The following MBD5 variants were observed in gnomAD, a reference collection of about 807,000 sequenced individuals.
The protein encoded by MBD5 is methyl-CpG-binding domain protein 5.
A neutral mutation model predicts 117.3 loss-of-function variants in MBD5; 13 were observed. The ratio of observed to expected loss-of-function variants is 0.11; its 90% CI spans 0.07 to 0.18. The LOEUF is 0.18. Among genes scored for constraint, MBD5 ranks in the 10% least tolerant of loss-of-function variants. The probability of loss-of-function intolerance (pLI) is 1.00; values close to 1 mark genes in which losing one functional copy is unlikely to be tolerated. For missense variants in MBD5, 1,879 were observed against 2,093.8 expected, an observed-to-expected ratio of 0.90 and a Z score of 2.00; for synonymous variants, 727 against 766.4, an observed-to-expected ratio of 0.95 and a Z score of 0.85.
At chr2:148,027,286 TG>T (rs1448867709) in intron 1 of MBD5, 1 of 152,144 alleles carries the variant, frequency 6.6e-6, no homozygotes, top group African/African-American at 2.4e-5. Flanking sequence ...ATCAACTTGT[TG>T]GGTTCTCTAG....
intron 1 of MBD5, among the ~76,000 whole-genome samples, chr2:148,140,561 A>G (rs1246570928): frequency 6.6e-6 from 1 of 152,218 alleles, no homozygotes; most frequent in Non-Finnish European, 1.5e-5. Context: ...GTGATCTGGA[A>G]TGATAGCTTA....
At chr2:148,433,034 AT>A (rs1258524487) in intron 4 of MBD5, among the ~76,000 whole-genome samples, 3 of 151,886 alleles carry the variant, frequency 2.0e-5, no homozygotes, top group Non-Finnish European at 4.4e-5. Flanking sequence ...ATTGTCTCTG[AT>A]TTTTTTGAGC....
At chr2:148,437,386 T>A (rs1177039321) in intron 4 of MBD5, among the ~76,000 whole-genome samples, 1 of 152,188 alleles carries the variant, frequency 6.6e-6, no homozygotes, top group East Asian at 1.9e-4. Flanking sequence ...GCAGCATATG[T>A]ATGCCTTGGA....
rs1559010681 is a variant in MBD5 at position 148,296,863 on chromosome 2, A to ATTTTTT, written c.-679-45351_-679-45350insTTTTTT. 2.5e-3 allele frequency among the ~76,000 whole-genome samples: 94 copies of ATTTTTT among 37,668 alleles called. 3 individuals carry two copies. The highest frequency in any genetic ancestry group is 3.6e-3 in the Admixed American group (8 of 2,228). 24.7% of individuals were successfully genotyped at this position (37,668 alleles called of 152,430 possible). On this transcript the variant is annotated intron_variant, in intron 3 of 13. Transcript: ENST00000642680. ...TAAGCATAGTTTGCTTTAGTTCTTC[A>ATTTTTT]ATTTTTTTTTTTTTTTTTTTTGGAG...
intron 4 of MBD5, among the ~76,000 whole-genome samples, chr2:148,411,236 C>T (rs1254577926): frequency 6.6e-6 from 1 of 152,148 alleles, no homozygotes; most frequent in East Asian, 1.9e-4. Flanking sequence ...ATGTATACCA[C>T]ATTTTCTTAA....
chr2:148,021,481 T>TTGCTGCTGCTGCTGCTACTGC lies in MBD5; in HGVS notation c.-1117_-1097dup, dbSNP rs1553463990. 1.6e-5 allele frequency: 9 copies of TTGCTGCTGCTGCTGCTACTGC among 573,532 alleles called. No homozygotes were observed. Among genetic ancestry groups the TTGCTGCTGCTGCTGCTACTGC allele is most frequent in the South Asian group, 3.0e-5 (2 of 66,158 alleles). The allele number at this position is 573,532 out of a possible 1,614,324, so 35.5% of individuals were successfully genotyped here. A position where few individuals can be genotyped will look rare whatever the true frequency, so the allele number is the denominator to read the frequency against. Reference sequence around the variant, plus strand: ...GCTGCTGTTGCTGCTGCTGCTGCTGTTGCTGCTGCTGCTGCTACTGCTGCT... The same window carrying TTGCTGCTGCTGCTGCTACTGC: ...GCTGCTGTTGCTGCTGCTGCTGCTGTTGCTGCTGCTGCTGCTACTGCTGCTGCTGCTGCTGCTACTGCTGCT... On this transcript the variant is annotated 5_prime_UTR_variant, in exon 1 of 14. Coordinates refer to ENST00000642680, the MANE Select transcript of MBD5 (RefSeq NM_001378120.1).
chr2:148,179,011 A>C lies in MBD5; in HGVS notation c.-831+218A>C, dbSNP rs571924213. Among the ~76,000 whole-genome samples the C allele has an allele frequency of 2.0e-4, 31 of 152,376 alleles. 1 individual carries two copies. In the South Asian group the frequency reaches 6.2e-3, roughly 31 times the overall value. On this transcript the variant is annotated intron_variant, in intron 2 of 13. Transcript: ENST00000642680. ...TTTGTAATAAGCGGTTGATTAAAAA[A>C]TAATAAATTGTAATACACAAGTGCA...
rs1680728621 is a variant in MBD5, at chr2:148,469,749, T to A, written c.1806T>A (p.Ser602Arg). 2 of 1,613,816 alleles carry A rather than the reference T, an allele frequency of 1.2e-6. No individual in the cohort carries two copies. Among genetic ancestry groups the A allele is most frequent in the Non-Finnish European group, 1.7e-6 (2 of 1,179,892 alleles). The part of the protein sequence containing the change: ...NKLAGNNSSS[S>R]SNSGAVAGSG... Reference sequence around the variant, plus strand: ...TTGCTGGTAACAACAGTAGCAGCAGTAGCAATTCTGGAGCTGTTGCCGGCA... The same window carrying A: ...TTGCTGGTAACAACAGTAGCAGCAGAAGCAATTCTGGAGCTGTTGCCGGCA... Residue 602 changes from serine to arginine, a missense_variant, in exon 8 of 14, where the codon AGT (serine) becomes AGA (arginine). Around this residue, in one of 4 missense-constraint regions of MBD5, gnomAD observed 1,666 missense variants for 1,792.2 expected, o/e 0.93. Transcript: ENST00000642680.
Position 148,315,216 on chromosome 2 carries a change from T to A in MBD5, c.-679-26998T>A, listed in dbSNP as rs192771177. Among the ~76,000 whole-genome samples the A allele has an allele frequency of 3.3e-5, 5 of 152,292 alleles. No individual in the cohort carries two copies. The East Asian group carries it at 7.7e-4, about 24-fold the overall frequency. On this transcript the variant is annotated intron_variant, in intron 3 of 13. Transcript: ENST00000642680. ...CTGCTACATTAGTATAAGTAAATCA[T>A]CATTTTAATCCTGTTACTACCTTGC...
chr2:148,072,969 A>G (rs147326801), intron 1 of MBD5, among the ~76,000 whole-genome samples: 250 of 152,286 alleles, frequency 1.6e-3, no homozygotes, highest in African/African-American at 5.6e-3. Flanking sequence ...TTAACAAAAA[A>G]TGATATAGGA....
chr2:148,061,544 T>C (rs976594763), intron 1 of MBD5, among the ~76,000 whole-genome samples: 2 of 152,072 alleles, frequency 1.3e-5, no homozygotes, highest in African/African-American at 4.8e-5. Flanking sequence ...AATGTAATAT[T>C]CCTTTATATG....
intron 1 of MBD5, among the ~76,000 whole-genome samples, chr2:148,133,481 T>C (rs1325703336): frequency 6.6e-6 from 1 of 152,198 alleles, no homozygotes; most frequent in Non-Finnish European, 1.5e-5. Context: ...TTATTCTTTG[T>C]TTTTCTTGTC....
intron 2 of MBD5, among the ~76,000 whole-genome samples, chr2:148,198,023 C>T (rs1471390529): frequency 6.6e-6 from 1 of 151,790 alleles, no homozygotes. Flanking sequence ...CCATGTTGGC[C>T]AGGCTGGTCT....
intron 1 of MBD5, among the ~76,000 whole-genome samples, chr2:148,076,864 A>G (rs373222764): frequency 1.3e-5 from 2 of 152,228 alleles, no homozygotes; most frequent in African/African-American, 4.8e-5. Context: ...CTCATAGTCT[A>G]GTAGAGGCAA....
At chr2:148,308,092 C>T (rs1701937037) in intron 3 of MBD5, among the ~76,000 whole-genome samples, 1 of 152,136 alleles carries the variant, frequency 6.6e-6, no homozygotes, top group Non-Finnish European at 1.5e-5. Context: ...AACAGTGCTG[C>T]AGTAAACATA....
intron 3 of MBD5, among the ~76,000 whole-genome samples, chr2:148,257,802 G>C (rs1010052162): frequency 2.6e-5 from 4 of 152,170 alleles, no homozygotes; most frequent in Admixed American, 2.6e-4. Flanking sequence ...ACTGTTCCTG[G>C]CTCTCTGGAG....
chr2:148,075,934 T>C (rs976812424), intron 1 of MBD5, among the ~76,000 whole-genome samples: 1 of 152,168 alleles, frequency 6.6e-6, no homozygotes, highest in African/African-American at 2.4e-5. Flanking sequence ...CACATAAATG[T>C]ATTAATGATC....
chr2:148,473,175 T>C (rs1680850412), intron 8 of MBD5, among the ~76,000 whole-genome samples: 1 of 152,212 alleles, frequency 6.6e-6, no homozygotes, highest in South Asian at 2.1e-4. Flanking sequence ...TCAGTTATTT[T>C]TGCCAATATT....
chr2:148,123,355 G>A (rs1441669343), intron 1 of MBD5, among the ~76,000 whole-genome samples: 1 of 152,220 alleles, frequency 6.6e-6, no homozygotes, highest in Non-Finnish European at 1.5e-5. Flanking sequence ...TATAATCCAA[G>A]TATGGGACCT....
Sources: gnomAD v4.1 joint callset for allele counts (sites outside exome capture counted in the v4.1 genomes callset) on GRCh38, gnomAD v4.1.1 for gene constraint, gnomAD v4.1.1 regional missense constraint, MANE v1.5 for transcripts, NCBI Gene and HGNC (gene_info 2026-07-23, HGNC 2026-07-21) for gene names.